ABI3: variants seen among roughly 807,000 people sequenced by gnomAD.
The protein encoded by ABI3 is ABI gene family member 3.
ABI3 carries 24 observed loss-of-function variants against 37.0 expected under a neutral mutation model. The observed-to-expected ratio is 0.65, with a 90% CI of 0.47 to 0.91. ABI3 has a LOEUF of 0.91. Among genes scored for constraint, ABI3 ranks in the 40% least tolerant of loss-of-function variants. ABI3 has a pLI of 0.00. For missense variants in ABI3, 481 were observed against 485.1 expected (o/e 0.99, Z 0.08); for synonymous variants, 220 against 211.8 (o/e 1.04, Z -0.34).
intron 3 of ABI3, 118 bp downstream of exon 3, chr17:49,218,033 C>A: frequency 9.3e-7 from 1 of 1,071,264 alleles, no homozygotes; most frequent in Non-Finnish European, 1.3e-6. Flanking sequence ...CTTTCTTTCC[C>A]CGCTCCCTGA....
At chr17:49,215,894 G>A (rs531924374) in intron 1 of ABI3, among the ~76,000 whole-genome samples, 2 of 151,374 alleles carry the variant, frequency 1.3e-5, no homozygotes, top group South Asian at 2.1e-4. Context: ...ACCTGAGGTC[G>A]GGAGTTTGAG....
At chr17:49,221,327 C>T (rs887414902) in intron 6 of ABI3, among the ~76,000 whole-genome samples, 8 of 151,672 alleles carry the variant, frequency 5.3e-5, no homozygotes, top group Admixed American at 3.9e-4. Flanking sequence ...AAAAATTAGC[C>T]GGGCGTGGTG....
intron 3 of ABI3, 123 bp downstream of exon 3, chr17:49,218,038 C>T: frequency 9.9e-7 from 1 of 1,005,516 alleles, no homozygotes; most frequent in East Asian, 3.0e-5. Flanking sequence ...TTTCCCCGCT[C>T]CCTGAAACCA....
At chr17:49,222,516 C>A (rs764268771) in intron 7 of ABI3, 36 bp from the exon 8 acceptor site, 12 of 1,607,352 alleles carry the variant, frequency 7.5e-6, no homozygotes, top group Non-Finnish European at 9.4e-6. Flanking sequence ...GGGCAAGAGG[C>A]ATTATCTCAC....
chr17:49,216,966 T>C (rs1222719759), intron 2 of ABI3, among the ~76,000 whole-genome samples: 1 of 152,116 alleles, frequency 6.6e-6, no homozygotes, highest in Non-Finnish European at 1.5e-5. Flanking sequence ...AGCAGCGCCC[T>C]ATACAGGAAA....
At position 49,216,565 on chromosome 17, in the gene ABI3, T is replaced by G; in HGVS notation, c.152T>G (p.Met51Arg). 6.2e-7 allele frequency: 1 copy of G among 1,608,632 alleles called. No homozygotes were observed. Among genetic ancestry groups the G allele is most frequent in the Non-Finnish European group, 8.5e-7 (1 of 1,177,660 alleles). ...AAGCGGAAGGCGCTGGAGGAGACCA[T>G]GGCCTTCACTACCCAGGCACTGGCC... ...TDKRKALEET[M>R]AFTTQALASV... Residue 51 changes from methionine to arginine, a missense_variant, in exon 2 of 8, where the codon ATG becomes AGG. By Grantham distance (91) the Met-to-Arg change is moderately conservative (BLOSUM62 -1). Coordinates refer to ENST00000225941, the MANE Select transcript of ABI3 (RefSeq NM_016428.3).
chr17:49,214,641 C>T (rs916731422), intron 1 of ABI3, among the ~76,000 whole-genome samples: 11 of 152,160 alleles, frequency 7.2e-5, no homozygotes, highest in African/African-American at 2.2e-4. Context: ...ACCCAGGAGG[C>T]GGAGGTTGGG....
At position 49,220,340 on chromosome 17, in the gene ABI3, C is replaced by T. The variant is rs753378398; in HGVS notation, c.802+14C>T. On this transcript the variant is annotated intron_variant, in intron 6 of 7. Transcript: ENST00000225941. ...CACCCCCACCGGGTAAGGAGGTCCA[C>T]CCTCTTCTTCCCAACCGTGGGGTCG... 5 of 1,560,738 alleles carry T rather than the reference C, an allele frequency of 3.2e-6. No individual in the cohort carries two copies. The highest frequency in any genetic ancestry group is 4.3e-6 in the Non-Finnish European group (5 of 1,151,906).
chr17:49,222,410 G>A, intron 7 of ABI3, 142 bp from the exon 8 acceptor site: 1 of 1,342,128 alleles, frequency 7.5e-7, no homozygotes, highest in Non-Finnish European at 1.0e-6. Context: ...AGCTGGGGAG[G>A]GGTCCTGAAG....
intron 7 of ABI3, 26 bp from the exon 8 acceptor site, chr17:49,222,526 C>T (rs762508090): frequency 2.2e-5 from 35 of 1,610,280 alleles, no homozygotes; most frequent in African/African-American, 1.2e-4. Context: ...CATTATCTCA[C>T]GGCACCCTCT....
At position 49,218,185 on chromosome 17, in the gene ABI3, G is replaced by A. The variant is rs149464380; in HGVS notation, c.462+270G>A. Among the ~76,000 whole-genome samples, 182 of 152,330 alleles carry A rather than the reference G, an allele frequency of 1.2e-3. 1 individual carries two copies. Among genetic ancestry groups the A allele is most frequent in the African/African-American group, 2.8e-3 (118 of 41,564 alleles). On this transcript the variant is annotated intron_variant, in intron 3 of 7. Transcript: ENST00000225941. ...CCCCCGCCCTGCCCCTGTGGGCACCGGGCGTGTGGGAAGGGGAAGAGGGGG... is the reference window on the plus strand; with the variant it reads ...CCCCCGCCCTGCCCCTGTGGGCACCAGGCGTGTGGGAAGGGGAAGAGGGGG...
At position 49,219,478 on chromosome 17, in the gene ABI3, G is replaced by C; in HGVS notation, c.463-62G>C. The C allele has an allele frequency of 7.1e-7, 1 of 1,401,052 alleles. No homozygotes were observed. The highest frequency in any genetic ancestry group is 9.8e-7 in the Non-Finnish European group (1 of 1,020,034). 86.8% of individuals were successfully genotyped at this position (1,401,052 alleles called of 1,614,324 possible). On this transcript the variant is annotated intron_variant, in intron 3 of 7. Coordinates refer to ENST00000225941, the MANE Select transcript of ABI3 (RefSeq NM_016428.3). The surrounding 1 kb of genome is among the most constrained non-coding windows in gnomAD (Gnocchi z 4.3). ...CCGCCCCTCCTCCATTTCCTCTTGG[G>C]GATGAGGGTGGAGGGAGGCCCCTCA...
Position 49,220,178 on chromosome 17 carries a change from A to C in ABI3, c.654A>C (p.Glu218Asp). ...AFSLASAGSA[E>D]GVGGAPTPKG... The stretch of plus-strand genomic sequence containing the variant: ...GCTCTCTGGTGTTCAGCAGCGCCGA[A>C]GGTGTCGGTGGGGCCCCCACGCCCA... The change falls in exon 6 of 8, where the codon GAA becomes GAC. Residue 218 changes from glutamate (E) to aspartate (D), a missense_variant. By Grantham distance (45) the Glu-to-Asp change is conservative (BLOSUM62 2). Coordinates refer to ENST00000225941, the MANE Select transcript of ABI3 (RefSeq NM_016428.3). The C allele has an allele frequency of 6.2e-7, 1 of 1,611,994 alleles. No homozygotes were observed. The highest frequency in any genetic ancestry group is 8.5e-7 in the Non-Finnish European group (1 of 1,179,896).
Position 49,219,510 on chromosome 17 carries a change from A to T in ABI3, c.463-30A>T. 1 of 1,562,270 alleles carries T rather than the reference A, an allele frequency of 6.4e-7. No homozygotes were observed. Among genetic ancestry groups the T allele is most frequent in the Non-Finnish European group, 8.7e-7 (1 of 1,150,120 alleles). On this transcript the variant is annotated intron_variant, in intron 3 of 7. Transcript: ENST00000225941. The surrounding 1 kb of genome is among the most constrained non-coding windows in gnomAD (Gnocchi z 4.3). ...GGTGGAGGGAGGCCCCTCACCCCAA[A>T]TGTAAGCCCTACCTCCCGCTCCCTC...
In ABI3 at chr17:49,223,038, G is replaced by T; in HGVS notation, c.*323G>T. On this transcript the variant is annotated 3_prime_UTR_variant, in exon 8 of 8. Transcript: ENST00000225941. ...CCTGTGACTGCCCCACAGAGATAAG[G>T]GGCCAGGAGGGATTGAAAGGCATCC... 2.3e-6 allele frequency: 1 copy of T among 442,414 alleles called. No individual in the cohort carries two copies. Among genetic ancestry groups the T allele is most frequent in the Non-Finnish European group, 4.0e-6 (1 of 250,530 alleles). 27.4% of individuals were successfully genotyped at this position (442,414 alleles called of 1,614,324 possible). A position where few individuals can be genotyped will look rare whatever the true frequency, so the allele number is the denominator to read the frequency against.
Position 49,219,049 on chromosome 17 carries a change from C to T in ABI3, c.463-491C>T, listed in dbSNP as rs1048481640. 1.3e-5 allele frequency among the ~76,000 whole-genome samples: 2 copies of T among 152,180 alleles called. No homozygotes were observed. The highest frequency in any genetic ancestry group is 2.9e-5 in the Non-Finnish European group (2 of 68,034). On this transcript the variant is annotated intron_variant, in intron 3 of 7. Coordinates refer to ENST00000225941, the MANE Select transcript of ABI3 (RefSeq NM_016428.3). The surrounding 1 kb of genome is among the most constrained non-coding windows in gnomAD (Gnocchi z 4.3). ...CAGTTCCCTCTTTCATGTAGGCGTG[C>T]ACCCTGTCATTTGCGCATCCCCTCT...
At chr17:49,211,451 C>T (rs1010263256) in intron 1 of ABI3, among the ~76,000 whole-genome samples, 5 of 152,140 alleles carry the variant, frequency 3.3e-5, no homozygotes, top group South Asian at 4.1e-4. Flanking sequence ...GTGTGGTTGT[C>T]CTGGGGCTGA....
rs373790400 is a variant in ABI3, at chr17:49,221,253, G to A, written c.803-838G>A. On this transcript the variant is annotated intron_variant, in intron 6 of 7. Coordinates refer to ENST00000225941, the MANE Select transcript of ABI3 (RefSeq NM_016428.3). ...TGGGAGGCTGAGGTGGGCGGATCAC[G>A]AGGTCAGGAGATCGAGACCATCCTG... 4.4e-3 allele frequency among the ~76,000 whole-genome samples: 669 copies of A among 151,920 alleles called. 6 individuals carry two copies. Among genetic ancestry groups the A allele is most frequent in the African/African-American group, 0.016 (645 of 41,428 alleles).
At position 49,219,809 on chromosome 17, in the gene ABI3, C is replaced by G. The variant is rs1282681044; in HGVS notation, c.549-49C>G. 1 of 1,522,680 alleles carries G rather than the reference C, an allele frequency of 6.6e-7. No individual in the cohort carries two copies. The highest frequency in any genetic ancestry group is 1.4e-5 in the African/African-American group (1 of 72,806). The allele number at this position is 1,522,680 out of a possible 1,614,324, so 94.3% of individuals were successfully genotyped here. On this transcript the variant is annotated intron_variant, in intron 4 of 7. Transcript: ENST00000225941. The surrounding 1 kb of genome is among the most constrained non-coding windows in gnomAD (Gnocchi z 4.3). ...CTGCTCGCACCCGACCCCTGCTGGCCAGAAGCCTTCCTCCTTCCTCCTAAT... is the reference window on the plus strand; with the variant it reads ...CTGCTCGCACCCGACCCCTGCTGGCGAGAAGCCTTCCTCCTTCCTCCTAAT...
Sources: gnomAD v4.1 joint callset for allele counts (sites outside exome capture counted in the v4.1 genomes callset) on GRCh38, gnomAD v4.1.1 for gene constraint, Gnocchi (gnomAD v3.1) non-coding constraint, MANE v1.5 for transcripts, NCBI Gene and HGNC (gene_info 2026-07-23, HGNC 2026-07-21) for gene names.